The following CNTN4 variants were observed in gnomAD, a reference collection of about 807,000 sequenced individuals.
CNTN4 encodes the protein contactin-4.
A neutral mutation model predicts 122.5 loss-of-function variants in CNTN4; 77 were observed. That is an observed-to-expected ratio of 0.63 (90% confidence interval 0.52 to 0.76). The LOEUF is 0.76. Among genes scored for constraint, CNTN4 ranks in the 30% least tolerant of loss-of-function variants. The probability of loss-of-function intolerance (pLI) is 0.00; values close to 1 mark genes in which losing one functional copy is unlikely to be tolerated. For synonymous variants in CNTN4, 512 were observed against 447.0 expected, an observed-to-expected ratio of 1.15 and a Z score of -1.83; for missense variants, 1,256 against 1,259.1, an observed-to-expected ratio of 1.00 and a Z score of 0.04.
chr3:2,170,076 C>CT (rs2036411664), intron 2 of CNTN4, among the ~76,000 whole-genome samples: 1 of 152,010 alleles, frequency 6.6e-6, no homozygotes, highest in Non-Finnish European at 1.5e-5. Flanking sequence ...AATCCCAGCA[C>CT]TTTGGGAGGC....
chr3:2,415,553 C>T (rs1473451469), intron 3 of CNTN4, among the ~76,000 whole-genome samples: 2 of 152,116 alleles, frequency 1.3e-5, no homozygotes, highest in Admixed American at 6.5e-5. Context: ...ATGTATTAAA[C>T]GTACCACATT....
Position 2,879,993 on chromosome 3 carries a change from G to A in CNTN4, c.653-3152G>A, listed in dbSNP as rs142839564. On this transcript the variant is annotated intron_variant, in intron 8 of 24. Coordinates refer to ENST00000418658, the MANE Select transcript of CNTN4 (RefSeq NM_175607.3). ...GAGAGGGAAAGGCAGGCAGTAAGTAGGTAAAGGATTCTGGGAGAGAAAATG... is the reference window on the plus strand; with the variant it reads ...GAGAGGGAAAGGCAGGCAGTAAGTAAGTAAAGGATTCTGGGAGAGAAAATG... Among the ~76,000 whole-genome samples the A allele has an allele frequency of 4.7e-3, 709 of 152,254 alleles. 7 individuals are homozygous for A. Among genetic ancestry groups the A allele is most frequent in the African/African-American group, 0.016 (678 of 41,552 alleles).
Position 2,566,720 on chromosome 3 carries a change from G to A in CNTN4, c.-88-4696G>A, listed in dbSNP as rs536760802. On this transcript the variant is annotated intron_variant, in intron 3 of 24. Coordinates refer to ENST00000418658, the MANE Select transcript of CNTN4 (RefSeq NM_175607.3). ...ACTTGTAAGAAAGATAGGGCTTCTG[G>A]CATGATCCCTAACCTACAAGCAAGC... is the stretch of plus-strand genomic sequence containing the variant. Among the ~76,000 whole-genome samples, 3 of 152,280 alleles carry A rather than the reference G, an allele frequency of 2.0e-5. No homozygotes were observed. The South Asian group carries it at 6.2e-4, about 32-fold the overall frequency.
chr3:2,402,440 T>C (rs1210107959), intron 3 of CNTN4, among the ~76,000 whole-genome samples: 2 of 152,128 alleles, frequency 1.3e-5, no homozygotes, highest in Non-Finnish European at 2.9e-5. Flanking sequence ...TAGTCGTACA[T>C]ATTAAAGGGG....
chr3:2,474,726 T>C (rs994124674), intron 3 of CNTN4, among the ~76,000 whole-genome samples: 1 of 152,210 alleles, frequency 6.6e-6, no homozygotes, highest in Non-Finnish European at 1.5e-5. Context: ...TTAGTACAAA[T>C]CAACTGTTTT....
At chr3:2,535,430 T>C (rs1000885676) in intron 3 of CNTN4, among the ~76,000 whole-genome samples, 1 of 152,196 alleles carries the variant, frequency 6.6e-6, no homozygotes, top group African/African-American at 2.4e-5. Flanking sequence ...TTTTTTCTAA[T>C]ACTATCAGTG....
intron 13 of CNTN4, among the ~76,000 whole-genome samples, chr3:2,928,454 AT>A (rs1160532051): frequency 2.6e-5 from 4 of 152,200 alleles, no homozygotes; most frequent in African/African-American, 9.6e-5. Flanking sequence ...TGAGTAAAAA[AT>A]TTTAGAACCC....
chr3:2,466,974 T>C (rs1204917767), intron 3 of CNTN4, among the ~76,000 whole-genome samples: 27 of 142,670 alleles, frequency 1.9e-4, no homozygotes, highest in Middle Eastern at 3.5e-3. Flanking sequence ...TTCTTTCTTT[T>C]TTTTTTTTTT....
intron 3 of CNTN4, among the ~76,000 whole-genome samples, chr3:2,494,747 C>G (rs979643653): frequency 2.0e-5 from 3 of 152,274 alleles, no homozygotes; most frequent in South Asian, 2.1e-4. Flanking sequence ...TCAGAGCCTG[C>G]TGTCTGTTGT....
intron 4 of CNTN4, among the ~76,000 whole-genome samples, chr3:2,616,052 T>C (rs555535103): frequency 1.2e-4 from 18 of 150,738 alleles, no homozygotes; most frequent in African/African-American, 4.4e-4. Flanking sequence ...AGTTCCGGTA[T>C]ACATGTGCAG....
intron 7 of CNTN4, among the ~76,000 whole-genome samples, chr3:2,829,577 T>G (rs1409329628): frequency 6.6e-6 from 1 of 152,270 alleles, no homozygotes; most frequent in African/African-American, 2.4e-5. Flanking sequence ...CTGATTTCAG[T>G]TATCTCTGAA....
intron 13 of CNTN4, among the ~76,000 whole-genome samples, chr3:2,970,678 T>C (rs1052461277): frequency 1.3e-5 from 2 of 152,268 alleles, no homozygotes; most frequent in African/African-American, 4.8e-5. Context: ...ACACCTGGGC[T>C]CAACTAATCC....
chr3:2,364,554 C>A (rs1412592366), intron 3 of CNTN4, among the ~76,000 whole-genome samples: 1 of 151,620 alleles, frequency 6.6e-6, no homozygotes, highest in Non-Finnish European at 1.5e-5. Flanking sequence ...CATTTGTTGA[C>A]AATAGAGCCA....
intron 13 of CNTN4, among the ~76,000 whole-genome samples, chr3:2,932,057 G>A (rs2094525095): frequency 6.6e-6 from 1 of 151,592 alleles, no homozygotes; most frequent in Admixed American, 6.6e-5. Flanking sequence ...GTGTGGCCGG[G>A]GTGGGGGGTG....
At chr3:2,887,756 T>C (rs953150619) in intron 10 of CNTN4, among the ~76,000 whole-genome samples, 1 of 152,192 alleles carries the variant, frequency 6.6e-6, no homozygotes, top group Non-Finnish European at 1.5e-5. Context: ...AGACTTTTTA[T>C]GTGCAGCTGC....
Position 2,790,584 on chromosome 3 carries a change from A to G in CNTN4, c.359-28902A>G, listed in dbSNP as rs754564303. 6.2e-4 allele frequency among the ~76,000 whole-genome samples: 95 copies of G among 152,166 alleles called. 1 individual carries two copies. The highest frequency in any genetic ancestry group is 9.8e-4 in the Non-Finnish European group (67 of 68,034). On this transcript the variant is annotated intron_variant, in intron 6 of 24. Coordinates refer to ENST00000418658, the MANE Select transcript of CNTN4 (RefSeq NM_175607.3). ...GTTCTGCTTGAGAACTTTCTGTTTA[A>G]CATGCCAGGCAAATCAGCCACCAAG... is the stretch of plus-strand genomic sequence containing the variant.
At chr3:2,356,621 A>G (rs964003706) in intron 3 of CNTN4, among the ~76,000 whole-genome samples, 1 of 152,148 alleles carries the variant, frequency 6.6e-6, no homozygotes, top group Non-Finnish European at 1.5e-5. Context: ...TCTGACCTGT[A>G]TCTTATGCCA....
In CNTN4 at chr3:2,398,727, G is replaced by A. The variant is rs556189696; in HGVS notation, c.-89+59494G>A. On this transcript the variant is annotated intron_variant, in intron 3 of 24. Transcript: ENST00000418658. ...CACATTTCTGGCCCATCATTGTTGG[G>A]GTGTATACCACGGAACTGAGAGTTC... 2.0e-5 allele frequency among the ~76,000 whole-genome samples: 3 copies of A among 152,170 alleles called. No individual in the cohort carries two copies. The South Asian group carries it at 6.2e-4, about 32-fold the overall frequency.
chr3:2,192,928 A>G (rs142635682), intron 2 of CNTN4, among the ~76,000 whole-genome samples: 42 of 152,274 alleles, frequency 2.8e-4, no homozygotes, highest in African/African-American at 9.4e-4. Context: ...TGTGTGATCC[A>G]GGCATATAAT....
Sources: gnomAD v4.1 joint callset for allele counts (sites outside exome capture counted in the v4.1 genomes callset) on GRCh38, gnomAD v4.1.1 for gene constraint, MANE v1.5 for transcripts, NCBI Gene and HGNC (gene_info 2026-07-23, HGNC 2026-07-21) for gene names.